PGM2L1: variants seen among roughly 807,000 people sequenced by gnomAD.
The protein encoded by PGM2L1 is phosphoglucomutase 2 like 1.
PGM2L1 carries 35 observed loss-of-function variants against 73.4 expected under a neutral mutation model. The ratio of observed to expected loss-of-function variants is 0.48; its 90% CI spans 0.36 to 0.63. The LOEUF (loss-of-function observed/expected upper bound fraction) is 0.63, where lower values mean the gene tolerates loss of function less well. Among genes scored for constraint, PGM2L1 ranks in the 30% least tolerant of loss-of-function variants. The pLI is 0.00. For missense variants in PGM2L1, 570 were observed against 742.0 expected (o/e 0.77, Z 2.69); for synonymous variants, 225 against 253.8 (o/e 0.89, Z 1.08).
intron 12 of PGM2L1, among the ~76,000 whole-genome samples, chr11:74,339,368 C>T (rs895240865): frequency 2.0e-5 from 3 of 152,184 alleles, no homozygotes; most frequent in Admixed American, 6.5e-5. Context: ...CTAGTCCACA[C>T]ATCCGTCTGT....
At chr11:74,378,417 A>T (rs1012716920) in intron 1 of PGM2L1, among the ~76,000 whole-genome samples, 5 of 152,234 alleles carry the variant, frequency 3.3e-5, no homozygotes, top group Non-Finnish European at 7.3e-5. Context: ...GCTTTTAACT[A>T]GCATATCTTA....
chr11:74,386,992 C>T (rs760145464), intron 1 of PGM2L1, among the ~76,000 whole-genome samples: 35 of 152,200 alleles, frequency 2.3e-4, no homozygotes, highest in South Asian at 1.7e-3. Flanking sequence ...TATGATTTAA[C>T]GAAATGGGAA....
rs961445438 is a variant in PGM2L1, at chr11:74,331,626, G to A, written c.*5026C>T. On this transcript the variant is annotated 3_prime_UTR_variant, in exon 14 of 14. Coordinates refer to ENST00000298198, the MANE Select transcript of PGM2L1 (RefSeq NM_173582.6). ...TCAAGGACTTGCCTCCACTGGGGGT[G>A]AGGGCACTGGGGGAGAAAACTGAGC... 2 of 152,272 alleles carry A rather than the reference G, an allele frequency of 1.3e-5. No homozygotes were observed. Among genetic ancestry groups the A allele is most frequent in the Admixed American group, 6.5e-5 (1 of 15,280 alleles). The allele number at this position is 152,272 out of a possible 1,614,324, so 9.4% of individuals were successfully genotyped here. A position where few individuals can be genotyped will look rare whatever the true frequency, so the allele number is the denominator to read the frequency against.
At position 74,371,754 on chromosome 11, in the gene PGM2L1, AC is replaced by A; in HGVS notation, c.342del (p.Tyr115MetfsTer7). On this transcript the variant is annotated frameshift_variant, in exon 3 of 14. Transcript: ENST00000298198. LOFTEE classifies it high-confidence loss of function. ...SDFKQRGFVV[G>X]YDTRGQVTSS... The stretch of plus-strand genomic sequence containing the variant: ...CTAGTTACTTGACCCCGAGTGTCAT[AC>A]CCAACCACAAAGCCTCTCTGCTTGA... 2 of 1,613,986 alleles carry A rather than the reference AC, an allele frequency of 1.2e-6. No individual in the cohort carries two copies. The highest frequency in any genetic ancestry group is 1.7e-6 in the Non-Finnish European group (2 of 1,179,906).
chr11:74,330,681 C>G lies in PGM2L1; in HGVS notation c.*5971G>C, dbSNP rs2134866782. 1 of 152,652 alleles carries G rather than the reference C, an allele frequency of 6.6e-6. No homozygotes were observed. The highest frequency in any genetic ancestry group is 2.4e-5 in the African/African-American group (1 of 41,538). 9.5% of individuals were successfully genotyped at this position (152,652 alleles called of 1,614,324 possible). On this transcript the variant is annotated 3_prime_UTR_variant, in exon 14 of 14. Transcript: ENST00000298198. Reference sequence around the variant, plus strand: ...ATACATGATGAATCATAACAGTGGACAAAAACATACCAAATAGGATCAAAT... The same window carrying G: ...ATACATGATGAATCATAACAGTGGAGAAAAACATACCAAATAGGATCAAAT...
intron 5 of PGM2L1, among the ~76,000 whole-genome samples, chr11:74,364,318 T>C (rs1232975192): frequency 6.6e-5 from 10 of 151,990 alleles, no homozygotes; most frequent in Non-Finnish European, 1.5e-4. Flanking sequence ...ACAGGGATGC[T>C]CTCTCTCACC....
In PGM2L1 at chr11:74,376,740, A is replaced by C. The variant is rs943909538; in HGVS notation, c.112-2158T>G. Among the ~76,000 whole-genome samples the C allele has an allele frequency of 3.0e-4, 45 of 152,260 alleles. No individual in the cohort carries two copies. The East Asian group carries it at 8.5e-3, about 29-fold the overall frequency. On this transcript the variant is annotated intron_variant, in intron 1 of 13. Transcript: ENST00000298198. ...CTAAAAATTCCATTCCCAGTTACAG[A>C]CTTCACAACCAGTACTAACCTAATT... is the stretch of plus-strand genomic sequence containing the variant.
At chr11:74,339,896 T>A (rs527307057) in intron 12 of PGM2L1, among the ~76,000 whole-genome samples, 131 of 152,332 alleles carry the variant, frequency 8.6e-4, no homozygotes, top group African/African-American at 2.8e-3. Context: ...GGGAACTCAG[T>A]TCAGAACAGT....
intron 12 of PGM2L1, among the ~76,000 whole-genome samples, chr11:74,338,919 C>A (rs561753326): frequency 4.9e-4 from 74 of 151,996 alleles, no homozygotes; most frequent in African/African-American, 1.7e-3. Flanking sequence ...TTTTTAACCA[C>A]AATTGAAAAT....
chr11:74,358,818 G>A (rs2134909253), intron 5 of PGM2L1, among the ~76,000 whole-genome samples: 1 of 152,310 alleles, frequency 6.6e-6, no homozygotes, highest in East Asian at 1.9e-4. Flanking sequence ...GAACCTGGGA[G>A]GCGAAGGTTG....
chr11:74,392,258 A>T (rs1322060657), intron 1 of PGM2L1, among the ~76,000 whole-genome samples: 1 of 152,166 alleles, frequency 6.6e-6, no homozygotes, highest in Non-Finnish European at 1.5e-5. Flanking sequence ...ACTATTTTTT[A>T]AAATCATAAG....
At chr11:74,393,887 T>C (rs1338617843) in intron 1 of PGM2L1, among the ~76,000 whole-genome samples, 6 of 151,684 alleles carry the variant, frequency 4.0e-5, no homozygotes, top group African/African-American at 4.8e-5. Flanking sequence ...AAATTCACAA[T>C]GGATAAAGAA....
chr11:74,346,239 A>G (rs887819955), intron 8 of PGM2L1, among the ~76,000 whole-genome samples: 5 of 132,430 alleles, frequency 3.8e-5, no homozygotes, highest in Non-Finnish European at 7.7e-5. Context: ...ACTCCACTCC[A>G]GCCTAAGCAA....
chr11:74,398,240 C>G lies in PGM2L1; in HGVS notation c.-79G>C. 2.0e-6 allele frequency: 3 copies of G among 1,519,452 alleles called. No homozygotes were observed. The highest frequency in any genetic ancestry group is 4.0e-5 in the Admixed American group (2 of 50,294). 94.1% of individuals were successfully genotyped at this position (1,519,452 alleles called of 1,614,324 possible). ...GGGGGGTGGCTTGGGGTTCGCTCAC[C>G]AGGGTCCAGGCGTCCCCACCTCACT... On this transcript the variant is annotated 5_prime_UTR_variant, in exon 1 of 14. Coordinates refer to ENST00000298198, the MANE Select transcript of PGM2L1 (RefSeq NM_173582.6).
At chr11:74,377,947 GAAA>G in intron 1 of PGM2L1, among the ~76,000 whole-genome samples, 1 of 142,244 alleles carries the variant, frequency 7.0e-6, no homozygotes, top group Non-Finnish European at 1.5e-5. Context: ...GCCTAGTCAG[GAAA>G]AAAAAAAAAG....
In PGM2L1 at chr11:74,391,176, C is replaced by T. The variant is rs117435655; in HGVS notation, c.111+6875G>A. ...CTTTCCTTCCCTCCCTCCCTTCCTA[C>T]TTTCTTCCTGTTTTCCTCCTCCCTC... On this transcript the variant is annotated intron_variant, in intron 1 of 13. Transcript: ENST00000298198. 4.4e-4 allele frequency among the ~76,000 whole-genome samples: 66 copies of T among 151,100 alleles called. 2 individuals carry two copies. The East Asian group carries it at 0.013, about 29-fold the overall frequency.
At chr11:74,337,307 C>T (rs1862112516) in intron 13 of PGM2L1, among the ~76,000 whole-genome samples, 1 of 152,256 alleles carries the variant, frequency 6.6e-6, no homozygotes, top group Non-Finnish European at 1.5e-5. Context: ...TTAAAAGCTA[C>T]ACAACAAATC....
intron 1 of PGM2L1, among the ~76,000 whole-genome samples, chr11:74,376,628 CAT>C (rs1381927270): frequency 6.6e-6 from 1 of 151,692 alleles, no homozygotes; most frequent in Non-Finnish European, 1.5e-5. Flanking sequence ...TACACACACA[CAT>C]ATATAAATGA....
intron 13 of PGM2L1, 108 bp downstream of exon 13, chr11:74,338,359 CA>C: frequency 9.5e-7 from 1 of 1,051,918 alleles, no homozygotes; most frequent in Non-Finnish European, 1.3e-6. Flanking sequence ...CAACTTTGAA[CA>C]TACTAAAAGC....
Sources: allele counts gnomAD v4.1 joint callset (sites outside exome capture counted in the v4.1 genomes callset), GRCh38; gene constraint gnomAD v4.1.1; transcripts MANE v1.5; gene names NCBI Gene and HGNC (gene_info 2026-07-23, HGNC 2026-07-21).